TLK1: variants seen among roughly 807,000 people sequenced by gnomAD.
TLK1 encodes the protein tousled like kinase 1.
In TLK1, 24 loss-of-function variants were observed where a neutral mutation model predicts 105.3. The ratio of observed to expected loss-of-function variants is 0.23; its 90% CI spans 0.17 to 0.32. The LOEUF (loss-of-function observed/expected upper bound fraction) is 0.32, where lower values mean the gene tolerates loss of function less well. TLK1 is among the 10% of genes least tolerant of loss of function. TLK1 has a pLI of 1.00. For synonymous variants in TLK1, 321 were observed against 310.4 expected, an observed-to-expected ratio of 1.03 and a Z score of -0.36; for missense variants, 558 against 910.5, an observed-to-expected ratio of 0.61 and a Z score of 4.98.
At chr2:171,089,223 T>C (rs1401425326) in intron 2 of TLK1, among the ~76,000 whole-genome samples, 1 of 152,240 alleles carries the variant, frequency 6.6e-6, no homozygotes, top group Non-Finnish European at 1.5e-5. Flanking sequence ...ATTCTTTCCA[T>C]ATTCAGGACA....
chr2:171,078,633 C>T (rs1405179140), intron 3 of TLK1, among the ~76,000 whole-genome samples: 2 of 152,128 alleles, frequency 1.3e-5, no homozygotes, highest in Non-Finnish European at 2.9e-5. Flanking sequence ...GTGATTCATT[C>T]GCACAGAACA....
At chr2:171,116,183 T>G (rs1690416976) in intron 2 of TLK1, among the ~76,000 whole-genome samples, 3 of 152,244 alleles carry the variant, frequency 2.0e-5, no homozygotes, top group African/African-American at 7.2e-5. Flanking sequence ...GTGCTATGAA[T>G]TCACACAACT....
rs140256807 is a variant in TLK1, at chr2:171,125,381, A to G, written c.140-7524T>C. Among the ~76,000 whole-genome samples the G allele has an allele frequency of 3.3e-3, 510 of 152,336 alleles. 3 individuals carry two copies. The highest frequency in any genetic ancestry group is 0.011 in the African/African-American group (455 of 41,584). On this transcript the variant is annotated intron_variant, in intron 1 of 20. Coordinates refer to ENST00000431350, the MANE Select transcript of TLK1 (RefSeq NM_012290.5). ...CAATGTTTTGCTATTAAATTCAATA[A>G]CAAAATAACCCACACTCCAATGTGC... is the stretch of plus-strand genomic sequence containing the variant.
In TLK1 at chr2:170,990,970, CAG is replaced by C. The variant is rs1370968794; in HGVS notation, c.*2808_*2809del. 2 of 150,528 alleles carry C rather than the reference CAG, an allele frequency of 1.3e-5. No individual in the cohort carries two copies. The highest frequency in any genetic ancestry group is 2.4e-5 in the African/African-American group (1 of 40,886). 9.3% of individuals were successfully genotyped at this position (150,528 alleles called of 1,614,324 possible). ...ACATTTTATATGCCATTTAAACTGA[CAG>C]AGTTGTTTTAGAAGGAGATGGTAGT... On this transcript the variant is annotated 3_prime_UTR_variant, in exon 21 of 21. Coordinates refer to ENST00000431350, the MANE Select transcript of TLK1 (RefSeq NM_012290.5).
At chr2:171,165,545 C>T (rs1692590525), upstream of TLK1, among the ~76,000 whole-genome samples, 1 of 136,206 alleles carries the variant, frequency 7.3e-6, no homozygotes, top group East Asian at 2.4e-4. Context: ...GCATTTTATA[C>T]TCTTAACTTC....
At chr2:171,087,073 C>CA in intron 2 of TLK1, among the ~76,000 whole-genome samples, 1 of 152,108 alleles carries the variant, frequency 6.6e-6, no homozygotes, top group Admixed American at 6.6e-5. Context: ...GAAAAACAAA[C>CA]AAAAAACAGT....
chr2:171,154,184 G>A lies in TLK1; in HGVS notation c.139+6106C>T, dbSNP rs543225741. On this transcript the variant is annotated intron_variant, in intron 1 of 20. Coordinates refer to ENST00000431350, the MANE Select transcript of TLK1 (RefSeq NM_012290.5). Reference sequence around the variant, plus strand: ...TTACAGGCCTGAGACATAGCACCTCGCCTGATGATATTCTCTTAAAAAAAC... The same window carrying A: ...TTACAGGCCTGAGACATAGCACCTCACCTGATGATATTCTCTTAAAAAAAC... Among the ~76,000 whole-genome samples the A allele has an allele frequency of 6.6e-5, 10 of 151,724 alleles. No homozygotes were observed. In the East Asian group the frequency reaches 7.7e-4, roughly 12 times the overall value.
chr2:171,162,529 C>A (rs1692530899), upstream of TLK1, among the ~76,000 whole-genome samples: 4 of 152,278 alleles, frequency 2.6e-5, no homozygotes, highest in African/African-American at 7.2e-5. Flanking sequence ...CAGAGCGAGA[C>A]TCCTAGACTC....
At chr2:171,222,346 T>C (rs1322969148) in intron 1 of TLK1, among the ~76,000 whole-genome samples, 1 of 152,194 alleles carries the variant, frequency 6.6e-6, no homozygotes, top group Non-Finnish European at 1.5e-5. Flanking sequence ...TTTATTTATT[T>C]ATTTTTGAGA....
intron 3 of TLK1, among the ~76,000 whole-genome samples, chr2:171,075,024 T>TA (rs75840796): frequency 9.2e-4 from 132 of 144,160 alleles, no homozygotes; most frequent in Middle Eastern, 3.6e-3. Context: ...AGTAAGGCAT[T>TA]AAAAAAAAAA....
chr2:171,188,218 A>C (rs1232642874), intron 1 of TLK1, among the ~76,000 whole-genome samples: 4 of 152,246 alleles, frequency 2.6e-5, no homozygotes, highest in African/African-American at 4.8e-5. Flanking sequence ...CTCTTAGCTT[A>C]AGCAATAATC....
At chr2:171,196,516 A>T (rs907667097) in intron 1 of TLK1, among the ~76,000 whole-genome samples, 16 of 152,144 alleles carry the variant, frequency 1.1e-4, no homozygotes, top group East Asian at 1.9e-4. Context: ...GGGATTTTTT[A>T]AAAATGTTCT....
rs71401413 is a variant in TLK1, at chr2:171,227,568, C to CTTTTTTTTTTTTTTTTTTTT, written c.-6+3557_-6+3576dup. ...AGTTAGTCATGAGTTAGTAAATCTCCTTTTTTTTTTTTTTTTTTTTTTTTT... is the reference window on the plus strand; with the variant it reads ...AGTTAGTCATGAGTTAGTAAATCTCCTTTTTTTTTTTTTTTTTTTTTTTTTTTTTTTTTTTTTTTTTTTTT... On this transcript the variant is annotated intron_variant, in intron 1 of 20. Transcript: ENST00000521943. Among the ~76,000 whole-genome samples the CTTTTTTTTTTTTTTTTTTTT allele has an allele frequency of 3.2e-4, 18 of 55,500 alleles. 3 individuals are homozygous for CTTTTTTTTTTTTTTTTTTTT. The highest frequency in any genetic ancestry group is 3.3e-4 in the Non-Finnish European group (10 of 30,288). 36.4% of individuals were successfully genotyped at this position (55,500 alleles called of 152,430 possible).
intron 12 of TLK1, among the ~76,000 whole-genome samples, chr2:171,025,951 C>A (rs964351383): frequency 2.0e-5 from 3 of 152,096 alleles, no homozygotes; most frequent in Non-Finnish European, 4.4e-5. Context: ...ATTCTTCTCA[C>A]CCAAAATAGT....
chr2:171,224,165 G>A (rs1392572186), intron 1 of TLK1, among the ~76,000 whole-genome samples: 2 of 152,010 alleles, frequency 1.3e-5, no homozygotes, highest in African/African-American at 4.8e-5. Flanking sequence ...TTCCACATAT[G>A]GCTATCCAGT....
At chr2:171,068,776 T>C (rs532407948) in intron 3 of TLK1, among the ~76,000 whole-genome samples, 1 of 152,308 alleles carries the variant, frequency 6.6e-6, no homozygotes, top group African/African-American at 2.4e-5. Flanking sequence ...ATGTTATTCC[T>C]TAAAGTCTTC....
chr2:171,094,058 T>C (rs1291183488), intron 2 of TLK1, among the ~76,000 whole-genome samples: 1 of 152,172 alleles, frequency 6.6e-6, no homozygotes, highest in Admixed American at 6.5e-5. Flanking sequence ...GGGAGAGCCC[T>C]AGTCAAACAC....
intron 2 of TLK1, among the ~76,000 whole-genome samples, chr2:171,105,288 C>T (rs1689870032): frequency 6.6e-6 from 1 of 152,142 alleles, no homozygotes; most frequent in Non-Finnish European, 1.5e-5. Flanking sequence ...GGAACTCAAA[C>T]AACTCAACAG....
chr2:171,064,880 T>A (rs1390432881), intron 3 of TLK1, among the ~76,000 whole-genome samples: 2 of 152,316 alleles, frequency 1.3e-5, no homozygotes, highest in East Asian at 3.9e-4. Flanking sequence ...AGTTGAAAGT[T>A]TGTTGAAAAA....
Sources: gnomAD v4.1 joint callset for allele counts (sites outside exome capture counted in the v4.1 genomes callset) on GRCh38, gnomAD v4.1.1 for gene constraint, MANE v1.5 for transcripts, NCBI Gene and HGNC (gene_info 2026-07-23, HGNC 2026-07-21) for gene names.